Variants in METTL15 observed in about 807,000 individuals in gnomAD.
METTL15 encodes the protein methyltransferase 15, mitochondrial 12S rRNA N4-cytidine.
A neutral mutation model predicts 38.3 loss-of-function variants in METTL15; 34 were observed. The ratio of observed to expected loss-of-function variants is 0.89; its 90% CI spans 0.68 to 1.18. The LOEUF (loss-of-function observed/expected upper bound fraction) is 1.18. Among genes scored for constraint, METTL15 ranks in the 50% most tolerant of loss-of-function variants. METTL15 has a pLI of 0.00. For synonymous variants in METTL15, 162 were observed against 170.9 expected, an observed-to-expected ratio of 0.95 and a Z score of 0.41; for missense variants, 438 against 498.4, an observed-to-expected ratio of 0.88 and a Z score of 1.15.
intron 3 of METTL15, among the ~76,000 whole-genome samples, chr11:28,183,823 A>G (rs1362450726): frequency 6.6e-6 from 1 of 152,080 alleles, no homozygotes; most frequent in Non-Finnish European, 1.5e-5. Flanking sequence ...GAATAGTTTC[A>G]GAAGGAATGG....
At chr11:28,501,762 G>A (rs1466889788) in intron 6 of METTL15, among the ~76,000 whole-genome samples, 1 of 152,094 alleles carries the variant, frequency 6.6e-6, no homozygotes, top group Non-Finnish European at 1.5e-5. Context: ...CACCCACTGT[G>A]CAGTAGATAT....
intron 4 of METTL15, among the ~76,000 whole-genome samples, chr11:28,239,728 T>C (rs1854206252): frequency 6.6e-6 from 1 of 152,228 alleles, no homozygotes; most frequent in Admixed American, 6.5e-5. Flanking sequence ...CCAGATGTTC[T>C]GTGGCACATT....
intron 5 of METTL15, among the ~76,000 whole-genome samples, chr11:28,372,180 A>G (rs1850250490): frequency 6.6e-6 from 1 of 152,018 alleles, no homozygotes; most frequent in African/African-American, 2.4e-5. Context: ...GATTTTTACC[A>G]TAAAGAGATG....
chr11:28,259,238 C>A (rs987797220), intron 4 of METTL15, among the ~76,000 whole-genome samples: 4 of 152,048 alleles, frequency 2.6e-5, no homozygotes, highest in Admixed American at 6.6e-5. Flanking sequence ...TATGGCTACG[C>A]TGGTTTCCAA....
chr11:28,386,371 A>G (rs1850440919), intron 5 of METTL15, among the ~76,000 whole-genome samples: 1 of 152,020 alleles, frequency 6.6e-6, no homozygotes, highest in African/African-American at 2.4e-5. Flanking sequence ...CATCAGCAAA[A>G]GGATGAAAAA....
chr11:28,314,204 C>T (rs1326819418), intron 6 of METTL15, among the ~76,000 whole-genome samples: 3 of 152,198 alleles, frequency 2.0e-5, no homozygotes, highest in Admixed American at 6.5e-5. Flanking sequence ...GATGAAAACA[C>T]ATGACCTCTA....
chr11:28,170,901 A>T (rs1438265224), intron 3 of METTL15, among the ~76,000 whole-genome samples: 1 of 152,094 alleles, frequency 6.6e-6, no homozygotes, highest in African/African-American at 2.4e-5. Flanking sequence ...TACAATGCCT[A>T]ACCTCCTGTG....
chr11:28,390,357 T>G (rs1256759203), intron 5 of METTL15, among the ~76,000 whole-genome samples: 2 of 151,694 alleles, frequency 1.3e-5, no homozygotes, highest in African/African-American at 4.8e-5. Context: ...TTTTTATGGT[T>G]TTAGGTCTAA....
chr11:28,114,892 A>T (rs1437461593), intron 3 of METTL15, among the ~76,000 whole-genome samples: 2 of 152,214 alleles, frequency 1.3e-5, no homozygotes, highest in Non-Finnish European at 2.9e-5. Context: ...TTACAGTCTT[A>T]AAAGAAAAAG....
intron 6 of METTL15, among the ~76,000 whole-genome samples, chr11:28,499,714 C>CA (rs34108532): frequency 0.55 from 82,944 of 151,810 alleles, 23,275 homozygotes; most frequent in East Asian, 0.74. Flanking sequence ...AAAATGATCA[C>CA]AAAAAAAGAC....
chr11:28,311,001 TGTGAGAGA>T lies in METTL15; in HGVS notation c.778+14072_778+14079del, dbSNP rs1181509648. ...GTGTGTGTGTGTGTGTGTGTGTGTG[TGTGAGAGA>T]GAGAGAGAGAGAGAGGAAGAGAGAT... On this transcript the variant is annotated intron_variant, in intron 6 of 6. Coordinates refer to ENST00000407364, the MANE Select transcript of METTL15 (RefSeq NM_001113528.2). Among the ~76,000 whole-genome samples the T allele has an allele frequency of 4.8e-4, 66 of 137,930 alleles. 2 individuals are homozygous for T. The highest frequency in any genetic ancestry group is 2.0e-3 in the African/African-American group (63 of 31,826). The allele number at this position is 137,930 out of a possible 152,430, so 90.5% of individuals were successfully genotyped here. A position where few individuals can be genotyped will look rare whatever the true frequency, so the allele number is the denominator to read the frequency against.
rs10660185 is a variant in METTL15 at position 28,161,107 on chromosome 11, C to CTTTTTT, written c.270+47517_270+47522dup. ...GATATAGTCAGATGTTTGCACCTTC[C>CTTTTTT]TTTTTTTTTTTTTTTTTTTGTTTTT... On this transcript the variant is annotated intron_variant, in intron 3 of 6. Coordinates refer to ENST00000407364, the MANE Select transcript of METTL15 (RefSeq NM_001113528.2). 3.6e-3 allele frequency among the ~76,000 whole-genome samples: 476 copies of CTTTTTT among 131,724 alleles called. 2 individuals are homozygous for CTTTTTT. The highest frequency in any genetic ancestry group is 5.4e-3 in the East Asian group (24 of 4,440). 86.4% of individuals were successfully genotyped at this position (131,724 alleles called of 152,430 possible). A position where few individuals can be genotyped will look rare whatever the true frequency, so the allele number is the denominator to read the frequency against.
At chr11:28,352,654 C>T (rs1322734175) in intron 4 of METTL15, among the ~76,000 whole-genome samples, 2 of 152,176 alleles carry the variant, frequency 1.3e-5, no homozygotes, top group Non-Finnish European at 2.9e-5. Context: ...TTGAACTCTT[C>T]TATCTCAGAT....
intron 4 of METTL15, among the ~76,000 whole-genome samples, chr11:28,225,792 T>C (rs1853454171): frequency 6.6e-6 from 1 of 151,854 alleles, no homozygotes; most frequent in Non-Finnish European, 1.5e-5. Context: ...TCTACCCTTA[T>C]TTCTATTTTC....
intron 6 of METTL15, among the ~76,000 whole-genome samples, chr11:28,484,515 G>C (rs1851422019): frequency 6.6e-6 from 1 of 152,112 alleles, no homozygotes; most frequent in Non-Finnish European, 1.5e-5. Context: ...CATGTCCTTT[G>C]TTGCCTTGCC....
At chr11:28,197,653 A>C (rs1294764732) in intron 3 of METTL15, 1 of 293,336 alleles carries the variant, frequency 3.4e-6, no homozygotes, top group Non-Finnish European at 7.0e-6. Flanking sequence ...ATTTTCAGGA[A>C]TATGTAAGTT....
chr11:28,355,035 T>A (rs1266675772), intron 4 of METTL15, among the ~76,000 whole-genome samples: 1 of 152,052 alleles, frequency 6.6e-6, no homozygotes, highest in Non-Finnish European at 1.5e-5. Flanking sequence ...GAAAGGTCCC[T>A]ACAGGAGAAC....
chr11:28,238,120 A>G (rs1029525105), intron 4 of METTL15, among the ~76,000 whole-genome samples: 8 of 152,172 alleles, frequency 5.3e-5, no homozygotes, highest in Admixed American at 3.9e-4. Flanking sequence ...TGGGAGAACC[A>G]CTGCTCTCTT....
intron 4 of METTL15, among the ~76,000 whole-genome samples, chr11:28,286,776 G>C (rs1005560648): frequency 1.3e-5 from 2 of 151,926 alleles, no homozygotes; most frequent in African/African-American, 4.8e-5. Context: ...GAGTTCACTA[G>C]AAAACAGGTA....
Sources: gnomAD v4.1 joint callset for allele counts (sites outside exome capture counted in the v4.1 genomes callset) on GRCh38, gnomAD v4.1.1 for gene constraint, MANE v1.5 for transcripts, NCBI Gene and HGNC (gene_info 2026-07-23, HGNC 2026-07-21) for gene names.